NCOR1: variants seen among roughly 807,000 people sequenced by gnomAD.
NCOR1 encodes nuclear receptor corepressor 1.
Under a neutral mutation model 288.1 loss-of-function variants are expected in NCOR1, and 63 were observed. That is an observed-to-expected ratio of 0.22 (90% CI 0.18 to 0.27). The LOEUF is 0.27. Among genes scored for constraint, NCOR1 ranks in the 10% least tolerant of loss-of-function variants. The pLI is 1.00. For missense variants in NCOR1, 2,397 were observed against 3,019.2 expected (o/e 0.79, Z 4.83); for synonymous variants, 1,007 against 1,065.9 (o/e 0.94, Z 1.08).
At chr17:16,090,147 C>T (rs2064949242) in intron 22 of NCOR1, among the ~76,000 whole-genome samples, 1 of 152,018 alleles carries the variant, frequency 6.6e-6, no homozygotes, top group African/African-American at 2.4e-5. Flanking sequence ...CTTCAGTTCC[C>T]AAATACAACT....
intron 23 of NCOR1, among the ~76,000 whole-genome samples, chr17:16,083,716 G>A (rs1050077403): frequency 2.6e-5 from 4 of 151,918 alleles, no homozygotes; most frequent in African/African-American, 9.7e-5. Context: ...CAGGTGAATC[G>A]TAAAGCATTT....
intron 45 of NCOR1, 34 bp from the exon 46 acceptor site, chr17:16,032,517 G>T (rs1567605142): frequency 6.5e-7 from 1 of 1,532,244 alleles, no homozygotes. Context: ...TCATTGTCAT[G>T]AACATAACTG....
At chr17:16,092,903 C>T (rs974212154) in intron 21 of NCOR1, among the ~76,000 whole-genome samples, 20 of 150,688 alleles carry the variant, frequency 1.3e-4, no homozygotes, top group African/African-American at 3.7e-4. Flanking sequence ...GGGGTTTCGC[C>T]ATGTTGGCCA....
chr17:16,162,748 T>A (rs1466263585), intron 5 of NCOR1, among the ~76,000 whole-genome samples: 3 of 152,106 alleles, frequency 2.0e-5, no homozygotes, highest in Non-Finnish European at 4.4e-5. Context: ...CTAAGAGACC[T>A]TCACTAAAGG....
rs537575830 is a variant in NCOR1, at chr17:16,156,553, A to G, written c.732+2207T>C. ...AGAGGGTGGAGAAGAAAAATGAAAG[A>G]AAAAAGAAAAAAGGAAAAGAAAGAT... is the stretch of plus-strand genomic sequence containing the variant. On this transcript the variant is annotated intron_variant, in intron 6 of 45. Coordinates refer to ENST00000268712, the MANE Select transcript of NCOR1 (RefSeq NM_006311.4). Among the ~76,000 whole-genome samples the G allele has an allele frequency of 5.9e-5, 9 of 152,122 alleles. No homozygotes were observed. The South Asian group carries it at 1.9e-3, about 32-fold the overall frequency.
chr17:16,092,736 T>C (rs1433709434), intron 21 of NCOR1, among the ~76,000 whole-genome samples: 1 of 130,826 alleles, frequency 7.6e-6, no homozygotes, highest in Non-Finnish European at 1.6e-5. Flanking sequence ...TCTCACTCTG[T>C]TGCCCAGGCT....
At chr17:16,054,591 A>C (rs1267300529) in intron 40 of NCOR1, among the ~76,000 whole-genome samples, 1 of 152,166 alleles carries the variant, frequency 6.6e-6, no homozygotes, top group African/African-American at 2.4e-5. Context: ...ATATGCAGCC[A>C]AGAAGCATAT....
intron 5 of NCOR1, among the ~76,000 whole-genome samples, chr17:16,159,954 T>G (rs992773432): frequency 6.6e-6 from 1 of 151,762 alleles, no homozygotes; most frequent in East Asian, 1.9e-4. Flanking sequence ...CTCAGCCTCC[T>G]GAGTAGCTGG....
chr17:16,186,465 T>A, intron 3 of NCOR1, 89 bp downstream of exon 3: 1 of 1,383,998 alleles, frequency 7.2e-7, no homozygotes. Flanking sequence ...CATGGCTTGG[T>A]TAATAAAAAG....
chr17:16,095,293 C>CA (rs2066237396), intron 21 of NCOR1, among the ~76,000 whole-genome samples: 1 of 146,478 alleles, frequency 6.8e-6, no homozygotes, highest in African/African-American at 2.5e-5. Flanking sequence ...TCTGCCCGGC[C>CA]GCCCCGTCTG....
chr17:16,155,571 A>C (rs2079617927), intron 6 of NCOR1, among the ~76,000 whole-genome samples: 1 of 152,184 alleles, frequency 6.6e-6, no homozygotes, highest in Admixed American at 6.5e-5. Flanking sequence ...CTTAGACTGA[A>C]ATTTAACTAT....
chr17:16,089,607 A>C, intron 22 of NCOR1, among the ~76,000 whole-genome samples: 1 of 152,190 alleles, frequency 6.6e-6, no homozygotes, highest in East Asian at 1.9e-4. Flanking sequence ...CCATGAAGGG[A>C]AAAGTAAAAA....
Position 16,029,164 on chromosome 17 carries a change from T to C in NCOR1, c.*3132A>G. The C allele has an allele frequency of 2.2e-6, 1 of 453,164 alleles. No individual in the cohort carries two copies. Among genetic ancestry groups the C allele is most frequent in the Non-Finnish European group, 4.4e-6 (1 of 226,584 alleles). 28.1% of individuals were successfully genotyped at this position (453,164 alleles called of 1,614,324 possible). Reference sequence around the variant, plus strand: ...GCAGGGGTTACTGAAAGGTTTTTCATTCCAAGTTTTATTTATTTATTAATT... The same window carrying C: ...GCAGGGGTTACTGAAAGGTTTTTCACTCCAAGTTTTATTTATTTATTAATT... On this transcript the variant is annotated 3_prime_UTR_variant, in exon 46 of 46. Transcript: ENST00000268712.
chr17:16,209,637 T>TA (rs34131313), intron 1 of NCOR1, among the ~76,000 whole-genome samples: 81,062 of 142,286 alleles, frequency 0.57, 22,874 homozygotes, highest in African/African-American at 0.63. Flanking sequence ...CTTTTGGATG[T>TA]AAAAAAAAAA....
rs368184186 is a variant in NCOR1 at position 16,070,434 on chromosome 17, C to A, written c.4244G>T (p.Arg1415Leu). Residue 1415 changes from arginine (R) to leucine (L), a missense_variant, in exon 31 of 46, where the codon CGT (arginine) becomes CTT (leucine). Transcript: ENST00000268712. Reference protein sequence around the residue: ...SLITGPSKLSRGMPPLEIVPE... With the variant: ...SLITGPSKLSLGMPPLEIVPE... Reference sequence around the variant, plus strand: ...CACAATTTCCAGCGGAGGCATTCCACGGGATAGTTTGCTAGGCCCCGTGAT... The same window carrying A: ...CACAATTTCCAGCGGAGGCATTCCAAGGGATAGTTTGCTAGGCCCCGTGAT... 5 of 1,614,190 alleles carry A rather than the reference C, an allele frequency of 3.1e-6. No individual in the cohort carries two copies. In the Admixed American group the frequency reaches 8.3e-5, roughly 27 times the overall value.
intron 17 of NCOR1, among the ~76,000 whole-genome samples, chr17:16,118,332 A>C (rs1370607040): frequency 1.3e-5 from 2 of 152,206 alleles, no homozygotes; most frequent in African/African-American, 4.8e-5. Context: ...TAGCTCAAAT[A>C]CTTGCAAACT....
intron 33 of NCOR1, 87 bp from the exon 34 acceptor site, chr17:16,065,106 A>T (rs1276816070): frequency 1.7e-6 from 2 of 1,193,052 alleles, no homozygotes; most frequent in Admixed American, 2.3e-5. Context: ...TATCTCTGTG[A>T]ATCAAGGGTA....
chr17:16,202,007 A>G (rs2090877325), intron 1 of NCOR1, among the ~76,000 whole-genome samples: 1 of 152,012 alleles, frequency 6.6e-6, no homozygotes. Context: ...CAGGAGGATC[A>G]TGAGGTCAAG....
chr17:16,043,739 G>A (rs937879800), intron 42 of NCOR1, among the ~76,000 whole-genome samples: 2 of 152,180 alleles, frequency 1.3e-5, no homozygotes, highest in Admixed American at 6.5e-5. Context: ...CTAGCTCTCC[G>A]TGCTCACACA....
Sources: allele counts gnomAD v4.1 joint callset (sites outside exome capture counted in the v4.1 genomes callset), GRCh38; gene constraint gnomAD v4.1.1; transcripts MANE v1.5; gene names NCBI Gene and HGNC (gene_info 2026-07-23, HGNC 2026-07-21).